Variants in CDK8 observed in about 807,000 individuals in gnomAD.
The protein encoded by CDK8 is cyclin-dependent kinase 8.
In CDK8, 29 loss-of-function variants were observed where a neutral mutation model predicts 71.5. The ratio of observed to expected loss-of-function variants is 0.41; its 90% CI spans 0.30 to 0.55. The LOEUF (loss-of-function observed/expected upper bound fraction) is 0.55. Ranked by LOEUF, CDK8 falls within the 20% of genes least tolerant of loss-of-function variation. The probability of loss-of-function intolerance (pLI) is 0.37; values close to 1 mark genes in which losing one functional copy is unlikely to be tolerated. For missense variants in CDK8, 288 were observed against 572.6 expected, an observed-to-expected ratio of 0.50 and a Z score of 5.07; for synonymous variants, 161 against 192.1, an observed-to-expected ratio of 0.84 and a Z score of 1.34.
At chr13:26,257,048 G>A (rs1277578037) in intron 1 of CDK8, among the ~76,000 whole-genome samples, 9 of 151,924 alleles carry the variant, frequency 5.9e-5, no homozygotes, top group Non-Finnish European at 1.2e-4. Flanking sequence ...TTTTAGTCCT[G>A]GTAAAATAAA....
intron 4 of CDK8, among the ~76,000 whole-genome samples, chr13:26,361,474 C>T (rs1874133500): frequency 6.6e-6 from 1 of 152,130 alleles, no homozygotes; most frequent in South Asian, 2.1e-4. Flanking sequence ...TAAACATGCT[C>T]AGAACACTTC....
chr13:26,308,560 G>A (rs1874142491), intron 1 of CDK8, among the ~76,000 whole-genome samples: 1 of 152,174 alleles, frequency 6.6e-6, no homozygotes, highest in Non-Finnish European at 1.5e-5. Flanking sequence ...TATTATAAAT[G>A]TACATAAGTT....
intron 1 of CDK8, among the ~76,000 whole-genome samples, chr13:26,290,210 A>G (rs903570506): frequency 6.6e-6 from 1 of 152,196 alleles, no homozygotes; most frequent in Non-Finnish European, 1.5e-5. Context: ...ACTGTATTAA[A>G]AAGTGTTGAA....
chr13:26,294,280 G>A (rs1278306049), intron 1 of CDK8, among the ~76,000 whole-genome samples: 5 of 151,704 alleles, frequency 3.3e-5, no homozygotes, highest in Non-Finnish European at 7.4e-5. Context: ...ATAGGCATGA[G>A]CCACCATGCC....
Position 26,290,719 on chromosome 13 carries a change from GA to G in CDK8, c.128+35956del, listed in dbSNP as rs545528043. The stretch of plus-strand genomic sequence containing the variant: ...TTATATTGGTATTTGGGTTTCTAAA[GA>G]AAAAACATTTTTTAAAGAAGACATT... On this transcript the variant is annotated intron_variant, in intron 1 of 12. Transcript: ENST00000381527. Among the ~76,000 whole-genome samples the G allele has an allele frequency of 3.9e-3, 600 of 152,106 alleles. 3 individuals are homozygous for G. The highest frequency in any genetic ancestry group is 0.013 in the African/African-American group (553 of 41,512).
At chr13:26,267,140 A>G (rs183058790) in intron 1 of CDK8, among the ~76,000 whole-genome samples, 26 of 152,008 alleles carry the variant, frequency 1.7e-4, no homozygotes, top group African/African-American at 6.1e-4. Flanking sequence ...CAGATGATAC[A>G]TATGCATATA....
chr13:26,310,934 T>C (rs1275826689), intron 1 of CDK8, among the ~76,000 whole-genome samples: 2 of 152,144 alleles, frequency 1.3e-5, no homozygotes, highest in Non-Finnish European at 2.9e-5. Context: ...CTGGGTGACT[T>C]GTGCTTTGCC....
intron 4 of CDK8, among the ~76,000 whole-genome samples, chr13:26,364,898 G>T (rs1023656669): frequency 2.6e-5 from 4 of 152,162 alleles, no homozygotes; most frequent in Non-Finnish European, 4.4e-5. Flanking sequence ...GGAACAGTGG[G>T]AAAGAGAGGA....
intron 1 of CDK8, among the ~76,000 whole-genome samples, chr13:26,303,178 A>T (rs1012283373): frequency 6.6e-6 from 1 of 151,582 alleles, no homozygotes; most frequent in Non-Finnish European, 1.5e-5. Context: ...TCTCTTTACT[A>T]ACTATAGCTT....
intron 1 of CDK8, among the ~76,000 whole-genome samples, chr13:26,309,055 A>G (rs1874166127): frequency 6.6e-6 from 1 of 152,126 alleles, no homozygotes; most frequent in Non-Finnish European, 1.5e-5. Context: ...ATTTTCCTGT[A>G]CTTACGACAG....
chr13:26,351,076 G>GTA (rs1212777211), intron 3 of CDK8, among the ~76,000 whole-genome samples: 1 of 152,014 alleles, frequency 6.6e-6, no homozygotes. Flanking sequence ...TTATCAATCT[G>GTA]TATAGAGAAC....
rs1434242764 is a variant in CDK8, at chr13:26,401,935, C to T, written c.1269+311C>T. ...GAAACTAGTAAAACCTAACTTGCAG[C>T]TGTTGTCAGATTAGACATGAAGTGG... On this transcript the variant is annotated intron_variant, in intron 12 of 12. Coordinates refer to ENST00000381527, the MANE Select transcript of CDK8 (RefSeq NM_001260.3). This position sits in a 1 kb window ranked among gnomAD's most constrained non-coding sequence, Gnocchi z 4.5. 6.6e-6 allele frequency among the ~76,000 whole-genome samples: 1 copy of T among 152,184 alleles called. No individual in the cohort carries two copies. The highest frequency in any genetic ancestry group is 1.5e-5 in the Non-Finnish European group (1 of 68,040).
In CDK8 at chr13:26,313,544, A is replaced by G. The variant is rs896668051; in HGVS notation, c.129-24023A>G. 2.0e-5 allele frequency among the ~76,000 whole-genome samples: 3 copies of G among 152,272 alleles called. No individual in the cohort carries two copies. In the East Asian group the frequency reaches 5.8e-4, roughly 29 times the overall value. On this transcript the variant is annotated intron_variant, in intron 1 of 12. Transcript: ENST00000381527. ...AATAGTGTCTAGTAGTTTAATTGGG[A>G]TACGGGACTAAAATCCATTCTCCTT...
chr13:26,258,620 A>G (rs1871633442), intron 1 of CDK8, among the ~76,000 whole-genome samples: 1 of 152,116 alleles, frequency 6.6e-6, no homozygotes, highest in South Asian at 2.1e-4. Context: ...TGTGCTTCTG[A>G]TAGCAGTATG....
chr13:26,274,534 C>T (rs753093873), intron 1 of CDK8, among the ~76,000 whole-genome samples: 6 of 151,764 alleles, frequency 4.0e-5, no homozygotes, highest in Non-Finnish European at 7.4e-5. Flanking sequence ...TGGGTTCATG[C>T]CATTCTCCTG....
intron 4 of CDK8, among the ~76,000 whole-genome samples, chr13:26,368,049 A>G (rs528490049): frequency 3.9e-5 from 6 of 152,318 alleles, no homozygotes; most frequent in South Asian, 2.1e-4. Context: ...CTGCTGGGAA[A>G]TGGATTTGGA....
intron 4 of CDK8, among the ~76,000 whole-genome samples, chr13:26,367,002 C>T (rs1874421238): frequency 6.6e-6 from 1 of 152,180 alleles, no homozygotes; most frequent in Admixed American, 6.5e-5. Flanking sequence ...CCTGCTGACA[C>T]TGGTCGAACA....
intron 1 of CDK8, among the ~76,000 whole-genome samples, chr13:26,299,994 TG>T (rs1205747117): frequency 2.6e-5 from 4 of 152,130 alleles, no homozygotes; most frequent in African/African-American, 9.7e-5. Flanking sequence ...GGGCTGAACT[TG>T]GTTAAATTCT....
At chr13:26,403,825 TA>T in intron 12 of CDK8, 130 bp from the exon 13 acceptor site, 1 of 1,103,126 alleles carries the variant, frequency 9.1e-7, no homozygotes, top group Non-Finnish European at 1.3e-6. Context: ...TCTTTAATTA[TA>T]AAGTTAGTAC....
Sources: allele counts gnomAD v4.1 joint callset (sites outside exome capture counted in the v4.1 genomes callset), GRCh38; gene constraint gnomAD v4.1.1; non-coding constraint Gnocchi (gnomAD v3.1); transcripts MANE v1.5; gene names NCBI Gene and HGNC (gene_info 2026-07-23, HGNC 2026-07-21).